MKLN1: variants seen among roughly 807,000 people sequenced by gnomAD.
MKLN1 encodes muskelin 1.
MKLN1 carries 18 observed loss-of-function variants against 99.0 expected under a neutral mutation model. That is an observed-to-expected ratio of 0.18 (90% CI 0.13 to 0.27). MKLN1 has a LOEUF of 0.27. Ranked by LOEUF, MKLN1 falls within the 10% of genes least tolerant of loss-of-function variation. MKLN1 has a pLI of 1.00. For synonymous variants in MKLN1, 288 were observed against 293.2 expected (o/e 0.98, Z 0.18); for missense variants, 621 against 875.9 (o/e 0.71, Z 3.67).
At chr7:131,350,710 T>C (rs1208970450) in intron 1 of MKLN1, among the ~76,000 whole-genome samples, 2 of 152,192 alleles carry the variant, frequency 1.3e-5, no homozygotes, top group African/African-American at 4.8e-5. Context: ...GAAGTCACAG[T>C]TTTATGTAGC....
At chr7:131,239,492 T>C (rs979982943) in intron 3 of MKLN1, among the ~76,000 whole-genome samples, 1 of 152,082 alleles carries the variant, frequency 6.6e-6, no homozygotes, top group Admixed American at 6.6e-5. Context: ...GATTTTTAAA[T>C]TTTTTATAGA....
At chr7:131,427,775 C>G (rs1357013972) in intron 8 of MKLN1, among the ~76,000 whole-genome samples, 1 of 152,084 alleles carries the variant, frequency 6.6e-6, no homozygotes, top group African/African-American at 2.4e-5. Context: ...AGGCTGGTCT[C>G]AAACACCTGA....
In MKLN1 at chr7:131,490,720, T is replaced by C. The variant is rs1006254367; in HGVS notation, c.*2992T>C. 3 of 152,576 alleles carry C rather than the reference T, an allele frequency of 2.0e-5. No homozygotes were observed. Among genetic ancestry groups the C allele is most frequent in the African/African-American group, 7.2e-5 (3 of 41,436 alleles). The allele number at this position is 152,576 out of a possible 1,614,324, so 9.5% of individuals were successfully genotyped here. On this transcript the variant is annotated 3_prime_UTR_variant, in exon 18 of 18. Coordinates refer to ENST00000352689, the MANE Select transcript of MKLN1 (RefSeq NM_013255.5). Reference sequence around the variant, plus strand: ...GTTTATCATAGAAAAGTTTGATGGGTTTAGAGCTCAGTGATTTAAGCTTGT... The same window carrying C: ...GTTTATCATAGAAAAGTTTGATGGGCTTAGAGCTCAGTGATTTAAGCTTGT...
At chr7:131,366,332 A>G (rs1167972629) in intron 1 of MKLN1, among the ~76,000 whole-genome samples, 1 of 152,190 alleles carries the variant, frequency 6.6e-6, no homozygotes, top group African/African-American at 2.4e-5. Flanking sequence ...TATACTTTTT[A>G]AAATACTCTG....
At chr7:131,252,622 C>T (rs770055005) in intron 3 of MKLN1, among the ~76,000 whole-genome samples, 3 of 152,080 alleles carry the variant, frequency 2.0e-5, no homozygotes, top group Non-Finnish European at 4.4e-5. Context: ...GCCACCGCAC[C>T]CAGGCAAGAT....
At chr7:131,117,421 C>T (rs1362962953) in intron 1 of MKLN1, among the ~76,000 whole-genome samples, 1 of 143,068 alleles carries the variant, frequency 7.0e-6, no homozygotes, top group African/African-American at 2.6e-5. Context: ...CAGACCGAGA[C>T]TCCATCTCAG....
chr7:131,418,290 A>C (rs2080353190), intron 8 of MKLN1, among the ~76,000 whole-genome samples: 1 of 150,326 alleles, frequency 6.7e-6, no homozygotes, highest in African/African-American at 2.5e-5. Flanking sequence ...AATCACTTGA[A>C]CCTGGGAGGC....
intron 4 of MKLN1, 104 bp from the exon 5 acceptor site, chr7:131,397,163 G>A (rs1489156089): frequency 5.5e-6 from 4 of 723,052 alleles, no homozygotes; most frequent in East Asian, 2.7e-5. Flanking sequence ...CAGAAAATTC[G>A]TTGAATGAAT....
intron 3 of MKLN1, chr7:131,242,925 T>C (rs896447248): frequency 1.5e-6 from 1 of 656,726 alleles, no homozygotes; most frequent in Non-Finnish European, 2.9e-6. Context: ...CAAGGCCCGA[T>C]GAGAGGCCAA....
Position 131,491,477 on chromosome 7 carries a change from C to T in MKLN1, c.*3749C>T, listed in dbSNP as rs1797421153. On this transcript the variant is annotated 3_prime_UTR_variant, in exon 18 of 18. Transcript: ENST00000352689. Reference sequence around the variant, plus strand: ...AAAGATTTTTGTTATCCTTATTAGTCAAATAACGCTATTCTTTTGTGGTTC... The same window carrying T: ...AAAGATTTTTGTTATCCTTATTAGTTAAATAACGCTATTCTTTTGTGGTTC... 6.6e-6 allele frequency: 1 copy of T among 152,082 alleles called. No individual in the cohort carries two copies. The highest frequency in any genetic ancestry group is 2.1e-4 in the South Asian group (1 of 4,826). 9.4% of individuals were successfully genotyped at this position (152,082 alleles called of 1,614,324 possible).
At chr7:131,182,393 G>A (rs776116241) in intron 2 of MKLN1, among the ~76,000 whole-genome samples, 30 of 152,132 alleles carry the variant, frequency 2.0e-4, no homozygotes, top group African/African-American at 6.5e-4. Context: ...TTACTTTCAC[G>A]TTATTTGGGC....
At chr7:131,405,486 C>G (rs1563332330) in intron 6 of MKLN1, among the ~76,000 whole-genome samples, 1 of 152,076 alleles carries the variant, frequency 6.6e-6, no homozygotes, top group Non-Finnish European at 1.5e-5. Flanking sequence ...TGTCTTCCTT[C>G]TCTTTTTGAG....
intron 2 of MKLN1, among the ~76,000 whole-genome samples, chr7:131,167,504 C>G (rs1285152282): frequency 2.0e-5 from 3 of 151,806 alleles, no homozygotes; most frequent in African/African-American, 7.3e-5. Flanking sequence ...GAGACTCTGT[C>G]TCTATAAAAT....
intron 1 of MKLN1, among the ~76,000 whole-genome samples, chr7:131,332,163 C>T (rs368296621): frequency 7.4e-4 from 112 of 151,684 alleles, no homozygotes; most frequent in South Asian, 2.1e-3. Context: ...AGGCTAGGCA[C>T]GGTGGCTCAT....
At chr7:131,439,406 G>A (rs1362981098) in intron 10 of MKLN1, among the ~76,000 whole-genome samples, 1 of 152,100 alleles carries the variant, frequency 6.6e-6, no homozygotes, top group East Asian at 1.9e-4. Context: ...AAAGCTGGGT[G>A]CTGTTAAATA....
At chr7:131,438,818 G>T (rs1344825347) in intron 10 of MKLN1, among the ~76,000 whole-genome samples, 2 of 151,924 alleles carry the variant, frequency 1.3e-5, no homozygotes, top group Non-Finnish European at 2.9e-5. Flanking sequence ...ATGGGAGGTG[G>T]TGCTAGAATT....
intron 12 of MKLN1, among the ~76,000 whole-genome samples, chr7:131,458,048 A>G (rs1796402955): frequency 6.6e-6 from 1 of 152,268 alleles, no homozygotes. Context: ...GGAAAGCGTT[A>G]TACCTAAGCA....
chr7:131,395,450 T>TTTTTA (rs56276107), intron 4 of MKLN1, among the ~76,000 whole-genome samples: 7,777 of 134,174 alleles, frequency 0.058, 321 homozygotes, highest in East Asian at 0.13. Context: ...GTAAAAATTA[T>TTTTTA]TTTTATTTTA....
intron 1 of MKLN1, among the ~76,000 whole-genome samples, chr7:131,344,107 T>C (rs1799486623): frequency 6.6e-6 from 1 of 152,226 alleles, no homozygotes; most frequent in Non-Finnish European, 1.5e-5. Flanking sequence ...CCTGTGTATA[T>C]AGAAAAGATT....
Sources: gnomAD v4.1 joint callset for allele counts (sites outside exome capture counted in the v4.1 genomes callset) on GRCh38, gnomAD v4.1.1 for gene constraint, MANE v1.5 for transcripts, NCBI Gene and HGNC (gene_info 2026-07-23, HGNC 2026-07-21) for gene names.